Variants in C2CD2 observed in about 807,000 individuals in gnomAD.
C2CD2 encodes C2 domain-containing protein 2.
C2CD2 carries 43 observed loss-of-function variants against 74.3 expected under a neutral mutation model. The observed-to-expected ratio is 0.58, with a 90% CI of 0.45 to 0.75. The LOEUF is 0.75. Among genes scored for constraint, C2CD2 ranks in the 30% least tolerant of loss-of-function variants. The probability of loss-of-function intolerance (pLI) is 0.00; values close to 1 mark genes in which losing one functional copy is unlikely to be tolerated. For synonymous variants in C2CD2, 422 were observed against 390.7 expected, an observed-to-expected ratio of 1.08 and a Z score of -0.94; for missense variants, 801 against 916.3, an observed-to-expected ratio of 0.87 and a Z score of 1.63.
At chr21:41,942,270 A>G in intron 1 of C2CD2, 25 bp from the exon 2 acceptor site, 1 of 1,520,112 alleles carries the variant, frequency 6.6e-7, no homozygotes, top group Non-Finnish European at 8.9e-7. Context: ...CAGCATGAGG[A>G]GGGCATGCAC....
rs945251134 is a variant in C2CD2, at chr21:41,929,970, A to G, written c.379-7885T>C. Among the ~76,000 whole-genome samples the G allele has an allele frequency of 6.6e-6, 1 of 152,194 alleles. No homozygotes were observed. Among genetic ancestry groups the G allele is most frequent in the African/African-American group, 2.4e-5 (1 of 41,444 alleles). ...TTTGCTTTTGGGGCAGAAAGCAGGCACTTTCAAAAGGGGGCTTGGCATGAA... is the reference window on the plus strand; with the variant it reads ...TTTGCTTTTGGGGCAGAAAGCAGGCGCTTTCAAAAGGGGGCTTGGCATGAA... On this transcript the variant is annotated intron_variant, in intron 2 of 13. Transcript: ENST00000380486. The surrounding 1 kb of genome is among the most constrained non-coding windows in gnomAD (Gnocchi z 4.6).
chr21:41,905,818 G>T lies in C2CD2; in HGVS notation c.1338C>A (p.Pro446=), dbSNP rs574713514. The change falls in exon 11 of 14, where the codon CCC becomes CCA. Residue 446 remains proline, a synonymous_variant. Coordinates refer to ENST00000380486, the MANE Select transcript of C2CD2 (RefSeq NM_015500.2). ...PLSSDSPVKT[P]IKVKVIEKDI... is the part of the protein sequence containing the mutation. Reference sequence around the variant, plus strand: ...CCTTCTCGATCACCTTCACCTTGATGGGAGTCTTCACCGGAGAATCTGCCA... The same window carrying T: ...CCTTCTCGATCACCTTCACCTTGATTGGAGTCTTCACCGGAGAATCTGCCA... 6 of 1,599,796 alleles carry T rather than the reference G, an allele frequency of 3.8e-6. No individual in the cohort carries two copies. The African/African-American group carries it at 8.0e-5, about 21-fold the overall frequency.
At chr21:41,948,891 TTC>T (rs1283713157) in intron 1 of C2CD2, among the ~76,000 whole-genome samples, 3,281 of 123,484 alleles carry the variant, frequency 0.027, 851 homozygotes, top group African/African-American at 0.037. Flanking sequence ...TTTTTTTTTT[TTC>T]TTTTTTTTTA....
At chr21:41,918,077 T>G (rs1295866299) in intron 5 of C2CD2, 28 bp downstream of exon 5, 1 of 1,613,638 alleles carries the variant, frequency 6.2e-7, no homozygotes, top group African/African-American at 1.3e-5. Context: ...GGGGTTCAGA[T>G]GCACCCACAG....
intron 2 of C2CD2, among the ~76,000 whole-genome samples, chr21:41,928,564 A>G (rs1272449932): frequency 2.6e-5 from 4 of 151,142 alleles, no homozygotes; most frequent in Non-Finnish European, 5.9e-5. Flanking sequence ...AAAAAAAAAA[A>G]AAAAGACAAC....
At chr21:41,900,426 C>T (rs774436290) in intron 12 of C2CD2, among the ~76,000 whole-genome samples, 16 of 152,274 alleles carry the variant, frequency 1.1e-4, no homozygotes, top group East Asian at 5.8e-4. Context: ...GAGATGACCA[C>T]GAGTCTTGTC....
At chr21:41,906,688 C>T (rs372351213) in intron 10 of C2CD2, among the ~76,000 whole-genome samples, 60 of 152,312 alleles carry the variant, frequency 3.9e-4, no homozygotes, top group African/African-American at 1.4e-3. Flanking sequence ...CTTAATTTAA[C>T]TTAGTTGGAG....
chr21:41,943,418 C>A (rs533075730), intron 1 of C2CD2, among the ~76,000 whole-genome samples: 77 of 152,346 alleles, frequency 5.1e-4, no homozygotes, highest in Admixed American at 1.2e-3. Context: ...TTGTCCAAGT[C>A]TTGTCTAGCT....
At chr21:41,902,280 C>T (rs2064908715) in intron 11 of C2CD2, among the ~76,000 whole-genome samples, 1 of 152,150 alleles carries the variant, frequency 6.6e-6, no homozygotes, top group Non-Finnish European at 1.5e-5. Context: ...TGCCTAAATA[C>T]ATAGAATAGT....
Position 41,953,429 on chromosome 21 carries a change from T to C in C2CD2, c.220A>G (p.Arg74Gly). ...ACCCAGGCCGCCTGCCACTGGCTCC[T>C]CCAGCTGCCCAGCGTCAGGATCCAG... ...LSWILTLGSW[R>G]SQWQAAWVTA... Residue 74 changes from arginine (R) to glycine (G), a missense_variant, in exon 1 of 14, where the codon AGG (arginine) becomes GGG (glycine). Transcript: ENST00000380486. 1 of 1,454,012 alleles carries C rather than the reference T, an allele frequency of 6.9e-7. No homozygotes were observed. Among genetic ancestry groups the C allele is most frequent in the Non-Finnish European group, 9.1e-7 (1 of 1,095,716 alleles). The allele number at this position is 1,454,012 out of a possible 1,614,324, so 90.1% of individuals were successfully genotyped here.
At position 41,887,285 on chromosome 21, in the gene C2CD2, T is replaced by G. The variant is rs2064695103; in HGVS notation, c.*1839A>C. 6.6e-6 allele frequency: 1 copy of G among 152,152 alleles called. No individual in the cohort carries two copies. Among genetic ancestry groups the G allele is most frequent in the Admixed American group, 6.5e-5 (1 of 15,272 alleles). 9.4% of individuals were successfully genotyped at this position (152,152 alleles called of 1,614,324 possible). ...TCACATGTTTTGAAACTCCAGGTGCTTTTTTTACAATGATTAAAACTGGAA... is the reference window on the plus strand; with the variant it reads ...TCACATGTTTTGAAACTCCAGGTGCGTTTTTTACAATGATTAAAACTGGAA... On this transcript the variant is annotated 3_prime_UTR_variant, in exon 14 of 14. Coordinates refer to ENST00000380486, the MANE Select transcript of C2CD2 (RefSeq NM_015500.2).
intron 2 of C2CD2, among the ~76,000 whole-genome samples, chr21:41,941,567 G>A (rs2146226015): frequency 6.6e-6 from 1 of 152,270 alleles, no homozygotes; most frequent in South Asian, 2.1e-4. Context: ...AATATATAAA[G>A]TCTACAACAT....
chr21:41,925,206 C>A (rs553443211), intron 2 of C2CD2, among the ~76,000 whole-genome samples: 102 of 152,228 alleles, frequency 6.7e-4, no homozygotes, highest in African/African-American at 2.3e-3. Flanking sequence ...ACAATTTAGG[C>A]CGAGTGTGGT....
Position 41,907,772 on chromosome 21 carries a change from G to A in C2CD2, c.1031C>T (p.Thr344Met), listed in dbSNP as rs190718952. ...AGRSSEGLLA[T>M]ATVPLDLFKK... ...AAATAAGTCCAGAGGAACTGTCGCCGTCGCCAGCAGACCTGAAAAGATAGG... is the reference window on the plus strand; with the variant it reads ...AAATAAGTCCAGAGGAACTGTCGCCATCGCCAGCAGACCTGAAAAGATAGG... The change falls in exon 9 of 14, where the codon ACG (threonine) becomes ATG (methionine). Residue 344 changes from threonine (T) to methionine (M), a missense_variant. Coordinates refer to ENST00000380486, the MANE Select transcript of C2CD2 (RefSeq NM_015500.2). 37 of 1,613,912 alleles carry A rather than the reference G, an allele frequency of 2.3e-5. No homozygotes were observed. Among genetic ancestry groups the A allele is most frequent in the African/African-American group, 9.3e-5 (7 of 75,062 alleles).
intron 1 of C2CD2, among the ~76,000 whole-genome samples, chr21:41,946,008 T>A (rs866821334): frequency 1.3e-5 from 2 of 152,142 alleles, no homozygotes; most frequent in South Asian, 4.1e-4. Context: ...TATCCATGAG[T>A]CCATATTGAG....
chr21:41,929,229 TCC>T lies in C2CD2; in HGVS notation c.379-7146_379-7145del. 6.6e-6 allele frequency among the ~76,000 whole-genome samples: 1 copy of T among 152,188 alleles called. No homozygotes were observed. Among genetic ancestry groups the T allele is most frequent in the Non-Finnish European group, 1.5e-5 (1 of 68,040 alleles). ...ACTCTGGCCTCTGCTGCGTCAGAGC[TCC>T]ATACCTTGGCCAAGTGACTGCACCT... On this transcript the variant is annotated intron_variant, in intron 2 of 13. Coordinates refer to ENST00000380486, the MANE Select transcript of C2CD2 (RefSeq NM_015500.2). This position sits in a 1 kb window ranked among gnomAD's most constrained non-coding sequence, Gnocchi z 4.6.
At chr21:41,930,920 G>A (rs2065256474) in intron 2 of C2CD2, among the ~76,000 whole-genome samples, 1 of 150,018 alleles carries the variant, frequency 6.7e-6, no homozygotes, top group South Asian at 2.1e-4. Context: ...GGGAAGGGCT[G>A]TGGCTGAACC....
Position 41,895,168 on chromosome 21 carries a change from G to A in C2CD2, c.1870+3885C>T. On this transcript the variant is annotated intron_variant, in intron 13 of 13. Coordinates refer to ENST00000380486, the MANE Select transcript of C2CD2 (RefSeq NM_015500.2). The surrounding 1 kb of genome is among the most constrained non-coding windows in gnomAD (Gnocchi z 5.0). ...CAAACACTGGTTTTCCAGGGAGGAG[G>A]AAATTCTGCCTCAAGAATGAAGCAT... 5.7e-6 allele frequency: 2 copies of A among 350,498 alleles called. No homozygotes were observed. The highest frequency in any genetic ancestry group is 4.2e-5 in the South Asian group (2 of 47,234). The allele number at this position is 350,498 out of a possible 1,614,324, so 21.7% of individuals were successfully genotyped here.
chr21:41,945,531 G>C lies in C2CD2; in HGVS notation c.280-3286C>G, dbSNP rs2065391265. 6.6e-6 allele frequency among the ~76,000 whole-genome samples: 1 copy of C among 151,736 alleles called. No homozygotes were observed. Among genetic ancestry groups the C allele is most frequent in the South Asian group, 2.1e-4 (1 of 4,814 alleles). ...AAAAAAAAAAGTGGGCTTGATGGAA[G>C]AACACAAGAGGCTACTCTCAAAGGA... On this transcript the variant is annotated intron_variant, in intron 1 of 13. Coordinates refer to ENST00000380486, the MANE Select transcript of C2CD2 (RefSeq NM_015500.2). The surrounding 1 kb of genome is among the most constrained non-coding windows in gnomAD (Gnocchi z 4.2).
Sources: allele counts gnomAD v4.1 joint callset (sites outside exome capture counted in the v4.1 genomes callset), GRCh38; gene constraint gnomAD v4.1.1; non-coding constraint Gnocchi (gnomAD v3.1); transcripts MANE v1.5; gene names NCBI Gene and HGNC (gene_info 2026-07-23, HGNC 2026-07-21).